ACVR1: variants seen among roughly 807,000 people sequenced by gnomAD.
ACVR1 encodes the protein activin receptor type-1.
A neutral mutation model predicts 57.1 loss-of-function variants in ACVR1; 38 were observed. That is an observed-to-expected ratio of 0.67 (90% CI 0.51 to 0.87). The LOEUF is 0.87. Ranked by LOEUF, ACVR1 falls within the 40% of genes least tolerant of loss-of-function variation. ACVR1 has a pLI of 0.00. For missense variants in ACVR1, 463 were observed against 638.2 expected, an observed-to-expected ratio of 0.73 and a Z score of 2.96; for synonymous variants, 212 against 228.1, an observed-to-expected ratio of 0.93 and a Z score of 0.63.
chr2:157,847,351 T>C (rs1016767737), intron 1 of ACVR1, among the ~76,000 whole-genome samples: 1 of 152,192 alleles, frequency 6.6e-6, no homozygotes, highest in African/African-American at 2.4e-5. Context: ...CTATCAGAGA[T>C]TGACCTGAGC....
chr2:157,803,906 CTTA>C lies in ACVR1; in HGVS notation c.-7-4409_-7-4407del, dbSNP rs769784188. Among the ~76,000 whole-genome samples, 59 of 146,884 alleles carry C rather than the reference CTTA, an allele frequency of 4.0e-4. 1 individual carries two copies. The highest frequency in any genetic ancestry group is 1.2e-3 in the African/African-American group (45 of 37,246). ...TAATAAAATAACAATAACATACTAC[CTTA>C]TTTTTTTTTTATTTTAAAAGAGCTA... is the stretch of plus-strand genomic sequence containing the variant. On this transcript the variant is annotated intron_variant, in intron 2 of 10. Coordinates refer to ENST00000434821, the MANE Select transcript of ACVR1 (RefSeq NM_001111067.4).
intron 2 of ACVR1, among the ~76,000 whole-genome samples, chr2:157,813,791 T>G (rs1687838116): frequency 1.3e-5 from 2 of 152,216 alleles, no homozygotes; most frequent in Non-Finnish European, 2.9e-5. Context: ...TTTCAGTCCC[T>G]TGGTTACAGC....
At chr2:157,816,780 A>AT (rs1039778887) in intron 2 of ACVR1, among the ~76,000 whole-genome samples, 1 of 152,158 alleles carries the variant, frequency 6.6e-6, no homozygotes, top group African/African-American at 2.4e-5. Flanking sequence ...CTGTCTCCAC[A>AT]TACATGGTTC....
chr2:157,780,303 C>A, intron 4 of ACVR1, 34 bp downstream of exon 4: 1 of 1,613,902 alleles, frequency 6.2e-7, no homozygotes, highest in South Asian at 1.1e-5. Context: ...CTAACAAAAC[C>A]CCTTGATCTA....
chr2:157,832,208 C>T (rs1311608586), intron 1 of ACVR1, among the ~76,000 whole-genome samples: 2 of 152,190 alleles, frequency 1.3e-5, no homozygotes, highest in African/African-American at 4.8e-5. Context: ...AACAGGCAGA[C>T]ACCACCCCCC....
chr2:157,826,233 T>A (rs952576414), intron 1 of ACVR1, among the ~76,000 whole-genome samples: 10 of 152,188 alleles, frequency 6.6e-5, no homozygotes, highest in African/African-American at 2.4e-4. Flanking sequence ...TAGACAGATA[T>A]TTAGCAAAAC....
chr2:157,796,527 C>G (rs1273582383), intron 3 of ACVR1, among the ~76,000 whole-genome samples: 1 of 152,098 alleles, frequency 6.6e-6, no homozygotes, highest in Non-Finnish European at 1.5e-5. Context: ...GCACCCCAAC[C>G]TGGGTGAAAG....
chr2:157,829,684 A>G (rs770349270), intron 1 of ACVR1, among the ~76,000 whole-genome samples: 2 of 152,088 alleles, frequency 1.3e-5, no homozygotes, highest in African/African-American at 2.4e-5. Context: ...GTCTTTTTTC[A>G]TCTGGCAAAC....
At chr2:157,827,035 A>G (rs1335468258) in intron 1 of ACVR1, among the ~76,000 whole-genome samples, 1 of 151,976 alleles carries the variant, frequency 6.6e-6, no homozygotes, top group East Asian at 1.9e-4. Flanking sequence ...CTTCTCTATC[A>G]CTCTTACCAT....
chr2:157,847,140 T>C (rs1013663772), intron 1 of ACVR1, among the ~76,000 whole-genome samples: 1 of 152,210 alleles, frequency 6.6e-6, no homozygotes, highest in African/African-American at 2.4e-5. Flanking sequence ...AAAATTTTAA[T>C]ACCTATTTTA....
At chr2:157,825,932 T>C (rs1688330976) in intron 1 of ACVR1, among the ~76,000 whole-genome samples, 1 of 152,184 alleles carries the variant, frequency 6.6e-6, no homozygotes, top group South Asian at 2.1e-4. Flanking sequence ...TAGATCGCCT[T>C]TCTGTCTGTT....
intron 7 of ACVR1, among the ~76,000 whole-genome samples, chr2:157,769,132 A>G (rs1026665067): frequency 6.6e-6 from 1 of 152,212 alleles, no homozygotes; most frequent in African/African-American, 2.4e-5. Context: ...GAGCAACCTG[A>G]GAAAGGACAG....
In ACVR1 at chr2:157,780,346, G is replaced by A. The variant is rs1423804322; in HGVS notation, c.322C>T (p.Pro108Ser). Residue 108 changes from proline to serine, a missense_variant, in exon 4 of 11, where the codon CCC becomes TCC. Physicochemically the swap from Pro to Ser is moderately conservative, Grantham distance 74. This residue lies in a region of ACVR1 where 203 missense variants were observed against 235.5 expected (regional missense o/e 0.86). Coordinates refer to ENST00000434821, the MANE Select transcript of ACVR1 (RefSeq NM_001111067.4). Reference protein sequence around the residue: ...WCNRNITAQLPTKGKSFPGTQ... With the variant: ...WCNRNITAQLSTKGKSFPGTQ... Reference sequence around the variant, plus strand: ...AAAAGTCCATGGGAACCTTTAGTGGGCAGCTGGGCCGTGATGTTCCTGTTA... The same window carrying A: ...AAAAGTCCATGGGAACCTTTAGTGGACAGCTGGGCCGTGATGTTCCTGTTA... The A allele has an allele frequency of 6.2e-7, 1 of 1,614,142 alleles. No homozygotes were observed.
chr2:157,833,161 G>C (rs1267218485), intron 1 of ACVR1, among the ~76,000 whole-genome samples: 1 of 152,214 alleles, frequency 6.6e-6, no homozygotes, highest in Non-Finnish European at 1.5e-5. Flanking sequence ...CTCAGGTAGA[G>C]GTGATACTAC....
intron 1 of ACVR1, among the ~76,000 whole-genome samples, chr2:157,855,628 A>G (rs1187890282): frequency 6.6e-6 from 1 of 152,004 alleles, no homozygotes; most frequent in African/African-American, 2.4e-5. Context: ...AGAAGTGCCA[A>G]TGTTATACAA....
At chr2:157,747,749 G>T (rs1407726338) in intron 9 of ACVR1, among the ~76,000 whole-genome samples, 2 of 152,040 alleles carry the variant, frequency 1.3e-5, no homozygotes, top group African/African-American at 4.8e-5. Context: ...AAACTGATTT[G>T]TGTGTGGGGG....
In ACVR1 at chr2:157,754,118, G is replaced by A. The variant is rs185186022; in HGVS notation, c.1264+6762C>T. 3.3e-5 allele frequency among the ~76,000 whole-genome samples: 5 copies of A among 152,320 alleles called. No individual in the cohort carries two copies. The East Asian group carries it at 7.7e-4, about 23-fold the overall frequency. ...TGGAATACAGCAAAGGTAGTGCTAA[G>A]AGGAAAGTTCATAGCCTTAAAATGC... On this transcript the variant is annotated intron_variant, in intron 9 of 10. Transcript: ENST00000434821.
intron 1 of ACVR1, among the ~76,000 whole-genome samples, chr2:157,839,599 G>C (rs1688909665): frequency 6.6e-6 from 1 of 152,170 alleles, no homozygotes; most frequent in Admixed American, 6.5e-5. Context: ...TTGATGTAAT[G>C]GCGTACAGGG....
intron 5 of ACVR1, 145 bp from the exon 6 acceptor site, chr2:157,774,332 G>A (rs1559049164): frequency 5.7e-6 from 4 of 700,470 alleles, no homozygotes; most frequent in South Asian, 1.5e-5. Flanking sequence ...AGCTCCTCTG[G>A]AAGAAGGAAG....
Sources: allele counts gnomAD v4.1 joint callset (sites outside exome capture counted in the v4.1 genomes callset), GRCh38; gene constraint gnomAD v4.1.1; regional missense constraint gnomAD v4.1.1; transcripts MANE v1.5; gene names NCBI Gene and HGNC (gene_info 2026-07-23, HGNC 2026-07-21).